The following ZRANB3 variants were observed in gnomAD, a reference collection of about 807,000 sequenced individuals.
ZRANB3 encodes DNA annealing helicase and endonuclease ZRANB3.
In ZRANB3, 125 loss-of-function variants were observed where a neutral mutation model predicts 133.8. The ratio of observed to expected loss-of-function variants is 0.93; its 90% CI spans 0.81 to 1.08. ZRANB3 has a LOEUF of 1.08. Among genes scored for constraint, ZRANB3 ranks in the 50% least tolerant of loss-of-function variants. The probability of loss-of-function intolerance (pLI) is 0.00; values close to 1 mark genes in which losing one functional copy is unlikely to be tolerated. For missense variants in ZRANB3, 1,229 were observed against 1,275.5 expected (o/e 0.96, Z 0.56); for synonymous variants, 387 against 432.7 (o/e 0.89, Z 1.31).
At chr2:135,485,165 AAACAAAACAAAACAAAACAAAACAT>A (rs1425000654) in intron 2 of ZRANB3, among the ~76,000 whole-genome samples, 12 of 145,044 alleles carry the variant, frequency 8.3e-5, no homozygotes, top group African/African-American at 3.0e-4. Context: ...AAACAAAACA[AAACAAAACAAAACAAAACAAAACAT>A]AACATAACAT....
intron 1 of ZRANB3, among the ~76,000 whole-genome samples, chr2:135,518,190 G>C (rs1693779339): frequency 6.6e-6 from 1 of 152,148 alleles, no homozygotes; most frequent in African/African-American, 2.4e-5. Flanking sequence ...TACTTAGCTT[G>C]CTGGGCTCCA....
chr2:135,351,327 G>C (rs567317863), intron 4 of ZRANB3, among the ~76,000 whole-genome samples: 10 of 149,382 alleles, frequency 6.7e-5, no homozygotes, highest in Middle Eastern at 3.5e-3. Context: ...GAGTGCAGTG[G>C]CATGATCTTG....
intron 2 of ZRANB3, among the ~76,000 whole-genome samples, chr2:135,405,198 CA>C (rs1160658891): frequency 2.0e-5 from 3 of 152,058 alleles, no homozygotes; most frequent in Non-Finnish European, 2.9e-5. Context: ...GACTTTAAAC[CA>C]ACAAAGATCA....
chr2:135,478,308 G>A (rs1167405928), intron 2 of ZRANB3, among the ~76,000 whole-genome samples: 1 of 151,912 alleles, frequency 6.6e-6, no homozygotes, highest in Non-Finnish European at 1.5e-5. Flanking sequence ...TATGGCTTAA[G>A]AAAATTCAAA....
chr2:135,376,177 C>G (rs1195148841), intron 3 of ZRANB3, among the ~76,000 whole-genome samples: 4 of 152,142 alleles, frequency 2.6e-5, no homozygotes, highest in African/African-American at 4.8e-5. Context: ...AGGCATGGAA[C>G]AGATTATCCC....
At chr2:135,222,246 T>G (rs1209370709) in intron 15 of ZRANB3, among the ~76,000 whole-genome samples, 1 of 151,616 alleles carries the variant, frequency 6.6e-6, no homozygotes, top group Non-Finnish European at 1.5e-5. Context: ...CTACTAAAAA[T>G]AGAAAAATTA....
chr2:135,228,312 GT>G (rs58948947), intron 13 of ZRANB3: 1,654 of 150,924 alleles, frequency 0.011, no homozygotes, highest in South Asian at 0.03. Context: ...ACTAAGTTTT[GT>G]TTTTTTTTTT....
chr2:135,201,785 T>C (rs1218244825), intron 20 of ZRANB3, among the ~76,000 whole-genome samples: 1 of 152,168 alleles, frequency 6.6e-6, no homozygotes, highest in African/African-American at 2.4e-5. Context: ...TCGATGTCTT[T>C]AGCAAACAAA....
At chr2:135,203,022 G>A (rs759327259) in intron 19 of ZRANB3, 59 bp from the exon 20 acceptor site, 29 of 1,569,622 alleles carry the variant, frequency 1.8e-5, no homozygotes, top group Non-Finnish European at 2.5e-5. Context: ...GTGTTTGTTG[G>A]TTTTGCATTG....
intron 3 of ZRANB3, among the ~76,000 whole-genome samples, chr2:135,386,873 G>C (rs1398627540): frequency 6.6e-6 from 1 of 151,868 alleles, no homozygotes. Context: ...GATAGCATTA[G>C]GAGAAATACC....
Position 135,407,071 on chromosome 2 carries a change from C to T in ZRANB3, c.162-16251G>A, listed in dbSNP as rs550794622. Among the ~76,000 whole-genome samples, 15 of 152,262 alleles carry T rather than the reference C, an allele frequency of 9.9e-5. No homozygotes were observed. In the South Asian group the frequency reaches 3.1e-3, roughly 32 times the overall value. On this transcript the variant is annotated intron_variant, in intron 2 of 20. Coordinates refer to ENST00000264159, the MANE Select transcript of ZRANB3 (RefSeq NM_032143.4). ...ATGACATGATTATATATCTAGAAAA[C>T]CCCATCGTCTCAGCCCAAAATCTCC... is the stretch of plus-strand genomic sequence containing the variant.
chr2:135,338,212 A>G (rs1175607594), intron 6 of ZRANB3, among the ~76,000 whole-genome samples: 1 of 152,232 alleles, frequency 6.6e-6, no homozygotes, highest in African/African-American at 2.4e-5. Context: ...CAATAATTCA[A>G]TAAACATTGG....
chr2:135,272,517 C>T (rs1680576486), intron 9 of ZRANB3, among the ~76,000 whole-genome samples: 1 of 149,928 alleles, frequency 6.7e-6, no homozygotes, highest in Non-Finnish European at 1.5e-5. Context: ...GGGTTCACGC[C>T]ATTTTCCTGC....
chr2:135,348,094 A>C (rs887070576), intron 5 of ZRANB3, among the ~76,000 whole-genome samples: 16 of 152,032 alleles, frequency 1.1e-4, no homozygotes, highest in Non-Finnish European at 1.9e-4. Context: ...TCCCGTCTCT[A>C]CTCAAAATAC....
At chr2:135,475,428 T>C (rs1020388109) in intron 2 of ZRANB3, among the ~76,000 whole-genome samples, 25 of 152,206 alleles carry the variant, frequency 1.6e-4, no homozygotes, top group African/African-American at 6.0e-4. Context: ...AATAATTAAA[T>C]CTAAAGCTTC....
chr2:135,510,008 C>A (rs934187529), intron 1 of ZRANB3, among the ~76,000 whole-genome samples: 1 of 152,018 alleles, frequency 6.6e-6, no homozygotes, highest in African/African-American at 2.4e-5. Context: ...AACATACCAG[C>A]GAGAATCAAA....
At chr2:135,377,352 C>A (rs1686475549) in intron 3 of ZRANB3, among the ~76,000 whole-genome samples, 2 of 152,016 alleles carry the variant, frequency 1.3e-5, no homozygotes, top group African/African-American at 4.8e-5. Flanking sequence ...AGAAGGACAC[C>A]CCTGGAGAAA....
At chr2:135,234,152 G>T (rs1049749898) in intron 12 of ZRANB3, among the ~76,000 whole-genome samples, 14 of 151,894 alleles carry the variant, frequency 9.2e-5, no homozygotes, top group African/African-American at 2.2e-4. Context: ...TCCTAGTCTC[G>T]GATAAAACAG....
intron 1 of ZRANB3, among the ~76,000 whole-genome samples, chr2:135,522,409 T>C (rs886847451): frequency 2.6e-5 from 4 of 152,190 alleles, no homozygotes; most frequent in African/African-American, 9.7e-5. Flanking sequence ...CTCTTTCTAA[T>C]TCCTTTGTTT....
Sources: gnomAD v4.1 joint callset for allele counts (sites outside exome capture counted in the v4.1 genomes callset) on GRCh38, gnomAD v4.1.1 for gene constraint, MANE v1.5 for transcripts, NCBI Gene and HGNC (gene_info 2026-07-23, HGNC 2026-07-21) for gene names.